Variants in ASIC2 observed in about 807,000 individuals in gnomAD.
The protein encoded by ASIC2 is acid-sensing ion channel 2.
Under a neutral mutation model 57.3 loss-of-function variants are expected in ASIC2, and 25 were observed. That is an observed-to-expected ratio of 0.44 (90% CI 0.32 to 0.61). ASIC2 has a LOEUF of 0.61. Among genes scored for constraint, ASIC2 ranks in the 20% least tolerant of loss-of-function variants. The pLI is 0.06. For missense variants in ASIC2, 641 were observed against 738.1 expected, an observed-to-expected ratio of 0.87 and a Z score of 1.52; for synonymous variants, 319 against 307.5, an observed-to-expected ratio of 1.04 and a Z score of -0.39.
chr17:33,768,810 C>T (rs1298243203), intron 1 of ASIC2, among the ~76,000 whole-genome samples: 1 of 152,074 alleles, frequency 6.6e-6, no homozygotes. Flanking sequence ...CAGACTCAGT[C>T]GGTAGAGGGG....
chr17:33,783,999 A>G (rs1450626064), intron 1 of ASIC2, among the ~76,000 whole-genome samples: 1 of 152,224 alleles, frequency 6.6e-6, no homozygotes, highest in Non-Finnish European at 1.5e-5. Context: ...AGAGCACCAA[A>G]GGTACAGCTC....
chr17:33,611,308 A>G (rs774576599), intron 1 of ASIC2, among the ~76,000 whole-genome samples: 4 of 152,080 alleles, frequency 2.6e-5, no homozygotes, highest in Non-Finnish European at 4.4e-5. Context: ...GCTCTGATCT[A>G]TGTTCTGCAA....
chr17:34,109,796 G>C (rs1434106467), intron 1 of ASIC2, among the ~76,000 whole-genome samples: 3 of 152,080 alleles, frequency 2.0e-5, no homozygotes, highest in Non-Finnish European at 4.4e-5. Context: ...AAATTTGGAG[G>C]CATGATTTTC....
At chr17:33,677,828 A>G (rs1296638900) in intron 1 of ASIC2, among the ~76,000 whole-genome samples, 1 of 152,220 alleles carries the variant, frequency 6.6e-6, no homozygotes, top group Non-Finnish European at 1.5e-5. Flanking sequence ...ACTCCTGGTG[A>G]AGATACTGTG....
chr17:33,215,324 G>C (rs1402636124), intron 1 of ASIC2, among the ~76,000 whole-genome samples: 1 of 152,120 alleles, frequency 6.6e-6, no homozygotes, highest in Non-Finnish European at 1.5e-5. Context: ...TTATGCTTTT[G>C]GGAATCTATC....
At chr17:33,044,278 C>T (rs1989895) in intron 3 of ASIC2, among the ~76,000 whole-genome samples, 7,162 of 150,764 alleles carry the variant, frequency 0.048, 520 homozygotes, top group African/African-American at 0.16. Context: ...ATCCATCCAT[C>T]CATCCATCCA....
chr17:33,668,207 A>G (rs1369350853), intron 1 of ASIC2, among the ~76,000 whole-genome samples: 2 of 151,118 alleles, frequency 1.3e-5, no homozygotes, highest in Non-Finnish European at 2.9e-5. Flanking sequence ...TCTTTAGAGC[A>G]CAAGCTCCCC....
At chr17:34,131,680 T>A (rs1911968759) in intron 1 of ASIC2, among the ~76,000 whole-genome samples, 1 of 152,212 alleles carries the variant, frequency 6.6e-6, no homozygotes, top group Non-Finnish European at 1.5e-5. Context: ...TATTTCACAC[T>A]CTACCACAAA....
intron 1 of ASIC2, among the ~76,000 whole-genome samples, chr17:33,327,959 A>T (rs1907144145): frequency 6.6e-6 from 1 of 152,206 alleles, no homozygotes; most frequent in South Asian, 2.1e-4. Context: ...AACTGGTGCA[A>T]CTCCAAGCCA....
Position 33,717,802 on chromosome 17 carries a change from G to A in ASIC2, c.555+438176C>T, listed in dbSNP as rs183896433. 1.7e-3 allele frequency among the ~76,000 whole-genome samples: 259 copies of A among 152,326 alleles called. 2 individuals carry two copies. The highest frequency in any genetic ancestry group is 3.4e-3 in the Middle Eastern group (1 of 294). On this transcript the variant is annotated intron_variant, in intron 1 of 9. Coordinates refer to the ASIC2 transcript ENST00000359872. ...GGATGTGGGTAATTTCTCCTACCTC[G>A]AAGGGATGGCGTGAGAGTTAAATGA... is the stretch of plus-strand genomic sequence containing the variant.
chr17:33,905,574 A>T (rs1352083935), intron 1 of ASIC2, among the ~76,000 whole-genome samples: 1 of 152,190 alleles, frequency 6.6e-6, no homozygotes, highest in South Asian at 2.1e-4. Flanking sequence ...TAATATGCAA[A>T]GTAGGGATGC....
intron 1 of ASIC2, among the ~76,000 whole-genome samples, chr17:33,839,846 G>A (rs1913381808): frequency 6.6e-6 from 1 of 152,164 alleles, no homozygotes; most frequent in East Asian, 1.9e-4. Context: ...GCTCCTTTCA[G>A]CACACCAGAG....
intron 1 of ASIC2, among the ~76,000 whole-genome samples, chr17:34,074,516 C>T (rs971014725): frequency 1.3e-5 from 2 of 152,104 alleles, no homozygotes; most frequent in Admixed American, 1.3e-4. Context: ...CAAAGACTGT[C>T]ATGATTTATT....
chr17:34,116,954 A>G (rs747771152), intron 1 of ASIC2, among the ~76,000 whole-genome samples: 2 of 151,942 alleles, frequency 1.3e-5, no homozygotes, highest in Non-Finnish European at 2.9e-5. Flanking sequence ...GTGCACGGAA[A>G]TAAGTATGTG....
At chr17:33,974,605 TATCCATCCATCCATCCATCC>T in intron 1 of ASIC2, among the ~76,000 whole-genome samples, 1 of 145,330 alleles carries the variant, frequency 6.9e-6, no homozygotes, top group South Asian at 2.3e-4. Context: ...GGAACCTATC[TATCCATCCATCCATCCATCC>T]ATCCATCCAT....
intron 1 of ASIC2, among the ~76,000 whole-genome samples, chr17:33,592,153 C>T (rs1016527361): frequency 1.3e-5 from 2 of 152,188 alleles, no homozygotes; most frequent in African/African-American, 4.8e-5. Context: ...AAGGAGGGCC[C>T]CTCCTCATGG....
At chr17:33,631,549 G>A (rs1225824736) in intron 1 of ASIC2, among the ~76,000 whole-genome samples, 2 of 152,134 alleles carry the variant, frequency 1.3e-5, no homozygotes, top group Admixed American at 6.5e-5. Context: ...GATAAGAATA[G>A]TATCCACTGC....
At chr17:33,408,159 T>C (rs1910532419) in intron 1 of ASIC2, among the ~76,000 whole-genome samples, 1 of 152,246 alleles carries the variant, frequency 6.6e-6, no homozygotes, top group South Asian at 2.1e-4. Flanking sequence ...GTGGGACCTA[T>C]GCACATTAAT....
chr17:33,475,207 C>T (rs1438779346), intron 1 of ASIC2, among the ~76,000 whole-genome samples: 1 of 152,042 alleles, frequency 6.6e-6, no homozygotes, highest in Non-Finnish European at 1.5e-5. Context: ...CATTCAGAAA[C>T]TTACAGAGAG....
Sources: allele counts gnomAD v4.1 joint callset (sites outside exome capture counted in the v4.1 genomes callset), GRCh38; gene constraint gnomAD v4.1.1; transcripts MANE v1.5; gene names NCBI Gene and HGNC (gene_info 2026-07-23, HGNC 2026-07-21).